Variants in USP37 observed in about 807,000 individuals in gnomAD.
USP37 encodes ubiquitin specific peptidase 37, also known as ubiquitin carboxyl-terminal hydrolase 37.
A neutral mutation model predicts 124.0 loss-of-function variants in USP37; 27 were observed. The observed-to-expected ratio is 0.22, with a 90% CI of 0.16 to 0.30. USP37 has a LOEUF of 0.30. Ranked by LOEUF, USP37 falls within the 10% of genes least tolerant of loss-of-function variation. The pLI, the probability that USP37 is intolerant of heterozygous loss-of-function variation, is 1.00. For synonymous variants in USP37, 365 were observed against 388.0 expected, an observed-to-expected ratio of 0.94 and a Z score of 0.70; for missense variants, 889 against 1,140.4, an observed-to-expected ratio of 0.78 and a Z score of 3.17.
At chr2:218,485,623 T>G in intron 16 of USP37, 41 bp downstream of exon 16, 3 of 1,520,036 alleles carry the variant, frequency 2.0e-6, no homozygotes, top group Non-Finnish European at 2.6e-6. Context: ...CTGGGAATTC[T>G]TTAGTCCATA....
chr2:218,550,281 A>ACATC (rs1692590605), intron 5 of USP37, among the ~76,000 whole-genome samples: 1 of 152,106 alleles, frequency 6.6e-6, no homozygotes, highest in Admixed American at 6.5e-5. Context: ...AGAAACAGTG[A>ACATC]CAGTTGTATC....
chr2:218,559,727 C>A (rs1693214155), intron 3 of USP37, among the ~76,000 whole-genome samples: 1 of 152,152 alleles, frequency 6.6e-6, no homozygotes, highest in African/African-American at 2.4e-5. Context: ...AATGGCCGGA[C>A]ACAGTGGCTC....
intron 8 of USP37, among the ~76,000 whole-genome samples, chr2:218,542,277 T>C (rs1456525543): frequency 5.9e-5 from 9 of 152,144 alleles, no homozygotes; most frequent in Non-Finnish European, 1.3e-4. Flanking sequence ...AAAATCTAGA[T>C]GTGATGGTGT....
chr2:218,464,016 C>G (rs1212585161), intron 21 of USP37, among the ~76,000 whole-genome samples: 1 of 149,596 alleles, frequency 6.7e-6, no homozygotes, highest in Admixed American at 6.7e-5. Flanking sequence ...CCACCACACC[C>G]AGTTAATTTT....
At chr2:218,528,807 A>G (rs1307041658) in intron 10 of USP37, 7 of 271,696 alleles carry the variant, frequency 2.6e-5, no homozygotes, top group Non-Finnish European at 4.1e-5. Flanking sequence ...AAATCTGAAA[A>G]AAAAAAAAAA....
chr2:218,544,828 T>C (rs550837011), intron 8 of USP37, among the ~76,000 whole-genome samples: 10 of 152,246 alleles, frequency 6.6e-5, no homozygotes, highest in Non-Finnish European at 1.2e-4. Context: ...AAATTTTTAC[T>C]GTGATTATTC....
intron 1 of USP37, among the ~76,000 whole-genome samples, chr2:218,567,962 G>C (rs1337539430): frequency 6.6e-6 from 1 of 152,204 alleles, no homozygotes; most frequent in Non-Finnish European, 1.5e-5. Flanking sequence ...GAGGGAGCGA[G>C]TGGCAGTGGA....
chr2:218,495,326 G>A (rs975993971), intron 14 of USP37, among the ~76,000 whole-genome samples: 1 of 152,054 alleles, frequency 6.6e-6, no homozygotes, highest in African/African-American at 2.4e-5. Context: ...ATATTTTGTA[G>A]AGATGGGGTT....
chr2:218,457,920 G>T (rs1689778817), intron 23 of USP37, among the ~76,000 whole-genome samples: 1 of 151,582 alleles, frequency 6.6e-6, no homozygotes, highest in Admixed American at 6.6e-5. Flanking sequence ...GGCGCCTGTA[G>T]TCCCAGCTGC....
chr2:218,476,883 CAA>C lies in USP37; in HGVS notation c.1998_1999del (p.Cys667Ter). ...CTGCTGTTCGTTGCCTAACATTTCA[CAA>C]AGTCTCTGGCTGAGGGCCACAGAAC... On this transcript the variant is annotated frameshift_variant, in exon 19 of 26. Coordinates refer to ENST00000258399, the MANE Select transcript of USP37 (RefSeq NM_020935.3). LOFTEE classifies it high-confidence loss of function. 6.2e-7 allele frequency: 1 copy of C among 1,608,510 alleles called. No homozygotes were observed. The highest frequency in any genetic ancestry group is 8.5e-7 in the Non-Finnish European group (1 of 1,177,770).
At position 218,510,046 on chromosome 2, in the gene USP37, G is replaced by C. The variant is rs1245284246; in HGVS notation, c.958C>G (p.Gln320Glu). 5 of 1,613,064 alleles carry C rather than the reference G, an allele frequency of 3.1e-6. No individual in the cohort carries two copies. The highest frequency in any genetic ancestry group is 2.5e-6 in the Non-Finnish European group (3 of 1,179,734). The change falls in exon 11 of 26, where the codon CAG (glutamine) becomes GAG (glutamate). Residue 320 changes from glutamine (Q) to glutamate (E), a missense_variant. Gln to Glu is a conservative substitution (Grantham distance 29). Around this residue, in one of 3 missense-constraint regions of USP37, gnomAD observed 374 missense variants for 386.0 expected, o/e 0.97. Coordinates refer to ENST00000258399, the MANE Select transcript of USP37 (RefSeq NM_020935.3). Reference protein sequence around the residue: ...PLSVKKLRCNQDYTGWNKPRV... With the variant: ...PLSVKKLRCNEDYTGWNKPRV... ...GGTTTATTCCAGCCAGTGTAATCCT[G>C]GTTACACCTCAGTTTTTTAACAGAA...
chr2:218,542,211 G>A (rs1692016337), intron 8 of USP37, among the ~76,000 whole-genome samples: 1 of 152,146 alleles, frequency 6.6e-6, no homozygotes. Context: ...TGCTTTAAAT[G>A]TCATTTGCAC....
chr2:218,541,372 C>G (rs73077121), intron 8 of USP37, among the ~76,000 whole-genome samples: 2,873 of 152,168 alleles, frequency 0.019, 92 homozygotes, highest in African/African-American at 0.065. Flanking sequence ...TGCTATATAA[C>G]GAGGGCAGTG....
chr2:218,545,720 C>T (rs570414745), intron 8 of USP37, among the ~76,000 whole-genome samples: 4 of 151,992 alleles, frequency 2.6e-5, no homozygotes, highest in Admixed American at 2.0e-4. Flanking sequence ...ACGATGATTA[C>T]GAGTTGGCGA....
chr2:218,566,306 T>C (rs1159219603), intron 1 of USP37, among the ~76,000 whole-genome samples: 4 of 152,172 alleles, frequency 2.6e-5, no homozygotes, highest in African/African-American at 4.8e-5. Context: ...TTAAAAGCAA[T>C]GTGGCTACAG....
chr2:218,475,624 C>G (rs987485932), intron 19 of USP37, among the ~76,000 whole-genome samples: 7 of 152,128 alleles, frequency 4.6e-5, no homozygotes, highest in South Asian at 2.1e-4. Flanking sequence ...GTAGTCCCAG[C>G]TACTAGGGAG....
At chr2:218,511,458 G>A (rs752738715) in intron 10 of USP37, among the ~76,000 whole-genome samples, 4 of 152,156 alleles carry the variant, frequency 2.6e-5, no homozygotes, top group East Asian at 3.8e-4. Flanking sequence ...ACAGGCGTGC[G>A]CCACCACACC....
chr2:218,489,052 A>G (rs1182569098), intron 14 of USP37, among the ~76,000 whole-genome samples: 1 of 152,034 alleles, frequency 6.6e-6, no homozygotes, highest in African/African-American at 2.4e-5. Context: ...TAACACATTC[A>G]TTACCACTCA....
intron 8 of USP37, among the ~76,000 whole-genome samples, chr2:218,536,360 C>G (rs1385730536): frequency 6.6e-6 from 1 of 152,166 alleles, no homozygotes; most frequent in Non-Finnish European, 1.5e-5. Flanking sequence ...TTTTTATATT[C>G]TCTCTTCCAT....
Sources: gnomAD v4.1 joint callset for allele counts (sites outside exome capture counted in the v4.1 genomes callset) on GRCh38, gnomAD v4.1.1 for gene constraint, gnomAD v4.1.1 regional missense constraint, MANE v1.5 for transcripts, NCBI Gene and HGNC (gene_info 2026-07-23, HGNC 2026-07-21) for gene names.